The following AGAP1 variants were observed in gnomAD, a reference collection of about 807,000 sequenced individuals.
The protein encoded by AGAP1 is ArfGAP with GTPase domain, ankyrin repeat and PH domain 1, also known as arf-GAP with GTPase, ANK repeat and PH domain-containing protein 1.
Under a neutral mutation model 105.3 loss-of-function variants are expected in AGAP1, and 29 were observed. That is an observed-to-expected ratio of 0.28 (90% CI 0.21 to 0.38). The LOEUF is 0.38. Ranked by LOEUF, AGAP1 falls within the 10% of genes least tolerant of loss-of-function variation. AGAP1 has a pLI of 1.00. For missense variants in AGAP1, 998 were observed against 1,165.1 expected, an observed-to-expected ratio of 0.86 and a Z score of 2.09; for synonymous variants, 509 against 485.9, an observed-to-expected ratio of 1.05 and a Z score of -0.63.
rs778081960 is a variant in AGAP1 at position 235,709,256 on chromosome 2, C to T, written c.222+19C>T. 2 of 1,613,220 alleles carry T rather than the reference C, an allele frequency of 1.2e-6. No individual in the cohort carries two copies. The highest frequency in any genetic ancestry group is 1.7e-6 in the Non-Finnish European group (2 of 1,179,294). On this transcript the variant is annotated intron_variant, in intron 2 of 17. Transcript: ENST00000304032. ...CAAAGTGGTGAGTGGTTCCCTCTGG[C>T]CCTGGCACCTGTGGGAAGGGAGGGG...
chr2:235,495,999 C>T (rs549588073), intron 1 of AGAP1, among the ~76,000 whole-genome samples: 1 of 152,336 alleles, frequency 6.6e-6, no homozygotes, highest in African/African-American at 2.4e-5. Flanking sequence ...CGTTGCCCAG[C>T]CTCCTCCCTC....
chr2:236,045,874 G>T lies in AGAP1; in HGVS notation c.1892-3185G>T. ...CAGCCCCAGCCTTACCTGTCTCTAAGCAGAGGGTGGTGAGCATGGGGCCCT... is the reference window on the plus strand; with the variant it reads ...CAGCCCCAGCCTTACCTGTCTCTAATCAGAGGGTGGTGAGCATGGGGCCCT... On this transcript the variant is annotated intron_variant, in intron 15 of 17. Coordinates refer to ENST00000304032, the MANE Select transcript of AGAP1 (RefSeq NM_001037131.3). This position sits in a 1 kb window ranked among gnomAD's most constrained non-coding sequence, Gnocchi z 6.9. 1 of 455,356 alleles carries T rather than the reference G, an allele frequency of 2.2e-6. No individual in the cohort carries two copies. Among genetic ancestry groups the T allele is most frequent in the Non-Finnish European group, 4.6e-6 (1 of 215,590 alleles). 28.2% of individuals were successfully genotyped at this position (455,356 alleles called of 1,614,324 possible).
Position 235,987,355 on chromosome 2 carries a change from A to G in AGAP1, c.1645+18732A>G, listed in dbSNP as rs568290416. 2.0e-5 allele frequency among the ~76,000 whole-genome samples: 3 copies of G among 151,724 alleles called. No homozygotes were observed. In the South Asian group the frequency reaches 6.2e-4, roughly 32 times the overall value. On this transcript the variant is annotated intron_variant, in intron 13 of 17. Coordinates refer to ENST00000304032, the MANE Select transcript of AGAP1 (RefSeq NM_001037131.3). ...TGGGGTCAGTGGTGATATCCCTTTT[A>G]TCATTTTTTATTATGTCTGTTTGAT...
rs2054468609 is a variant in AGAP1 at position 235,967,745 on chromosome 2, C to G, written c.1484-717C>G. The stretch of plus-strand genomic sequence containing the variant: ...ATATGCGCGTTCTGGTCATGTAGTA[C>G]CGCTTTGGCCTTCTCTTTGATAAAG... On this transcript the variant is annotated intron_variant, in intron 12 of 17. Coordinates refer to ENST00000304032, the MANE Select transcript of AGAP1 (RefSeq NM_001037131.3). This position sits in a 1 kb window ranked among gnomAD's most constrained non-coding sequence, Gnocchi z 4.7. Among the ~76,000 whole-genome samples, 1 of 152,156 alleles carries G rather than the reference C, an allele frequency of 6.6e-6. No homozygotes were observed. The highest frequency in any genetic ancestry group is 1.5e-5 in the Non-Finnish European group (1 of 68,036).
At position 235,882,441 on chromosome 2, in the gene AGAP1, A is replaced by G; in HGVS notation, c.1051-904A>G. ...CTTCTCCTGCGTCTCCGTTTTCTTCAGCTTGGCCCTATTGAAGCTGGCGAT... is the reference window on the plus strand; with the variant it reads ...CTTCTCCTGCGTCTCCGTTTTCTTCGGCTTGGCCCTATTGAAGCTGGCGAT... On this transcript the variant is annotated intron_variant, in intron 9 of 17. Coordinates refer to ENST00000304032, the MANE Select transcript of AGAP1 (RefSeq NM_001037131.3). The surrounding 1 kb of genome is among the most constrained non-coding windows in gnomAD (Gnocchi z 4.6). 1 of 1,587,108 alleles carries G rather than the reference A, an allele frequency of 6.3e-7. No individual in the cohort carries two copies. The highest frequency in any genetic ancestry group is 2.3e-5 in the East Asian group (1 of 44,364).
Position 236,109,426 on chromosome 2 carries a change from T to C in AGAP1, c.2115-10766T>C, listed in dbSNP as rs2059587434. On this transcript the variant is annotated intron_variant, in intron 16 of 17. Coordinates refer to ENST00000304032, the MANE Select transcript of AGAP1 (RefSeq NM_001037131.3). This position sits in a 1 kb window ranked among gnomAD's most constrained non-coding sequence, Gnocchi z 5.4. ...TTCATCTTTGTAATTATTATAAATA[T>C]TTATAATAATAAATTATAGATAGTT... Among the ~76,000 whole-genome samples the C allele has an allele frequency of 6.6e-6, 1 of 151,996 alleles. No individual in the cohort carries two copies. The highest frequency in any genetic ancestry group is 2.4e-5 in the African/African-American group (1 of 41,390).
At position 235,600,931 on chromosome 2, in the gene AGAP1, C is replaced by A. The variant is rs982289688; in HGVS notation, c.163+106082C>A. On this transcript the variant is annotated intron_variant, in intron 1 of 17. Coordinates refer to ENST00000304032, the MANE Select transcript of AGAP1 (RefSeq NM_001037131.3). The surrounding 1 kb of genome is among the most constrained non-coding windows in gnomAD (Gnocchi z 4.8). ...CCATTGTTTCACCTGCAGCCTCCCC[C>A]ATCTCAGCTGGTGCTCACTTTATTT... 6.6e-6 allele frequency among the ~76,000 whole-genome samples: 1 copy of A among 152,208 alleles called. No individual in the cohort carries two copies. Among genetic ancestry groups the A allele is most frequent in the Non-Finnish European group, 1.5e-5 (1 of 68,042 alleles).
chr2:235,589,205 T>TG (rs1559270876), intron 1 of AGAP1, among the ~76,000 whole-genome samples: 7 of 107,330 alleles, frequency 6.5e-5, no homozygotes, highest in African/African-American at 3.5e-4. Context: ...TTTTTTTTTT[T>TG]TTTTTTTTTT....
In AGAP1 at chr2:235,720,617, A is replaced by T; in HGVS notation, c.310+2973A>T. ...ATCAACTGGGCAGCTACTTTGAATG[A>T]AAGGCATTTTGCTGTGTATCTGCCT... On this transcript the variant is annotated intron_variant, in intron 3 of 17. Coordinates refer to ENST00000304032, the MANE Select transcript of AGAP1 (RefSeq NM_001037131.3). The surrounding 1 kb of genome is among the most constrained non-coding windows in gnomAD (Gnocchi z 5.0). 3 of 974,666 alleles carry T rather than the reference A, an allele frequency of 3.1e-6. No homozygotes were observed. The highest frequency in any genetic ancestry group is 3.7e-6 in the Non-Finnish European group (3 of 820,194). The allele number at this position is 974,666 out of a possible 1,614,324, so 60.4% of individuals were successfully genotyped here.
rs146030566 is a variant in AGAP1 at position 235,728,895 on chromosome 2, G to A, written c.310+11251G>A. 1.5e-3 allele frequency among the ~76,000 whole-genome samples: 227 copies of A among 152,252 alleles called. 2 individuals are homozygous for A. Among genetic ancestry groups the A allele is most frequent in the African/African-American group, 4.8e-3 (198 of 41,558 alleles). On this transcript the variant is annotated intron_variant, in intron 3 of 17. Coordinates refer to ENST00000304032, the MANE Select transcript of AGAP1 (RefSeq NM_001037131.3). This position sits in a 1 kb window ranked among gnomAD's most constrained non-coding sequence, Gnocchi z 4.3. Reference sequence around the variant, plus strand: ...AAGAAGGGAGGTTTGGAGCCTGGACGAGAGCAGGGGTTGTGGAGGAATGGT... The same window carrying A: ...AAGAAGGGAGGTTTGGAGCCTGGACAAGAGCAGGGGTTGTGGAGGAATGGT...
Position 235,970,662 on chromosome 2 carries a change from G to A in AGAP1, c.1645+2039G>A, listed in dbSNP as rs139550360. 3.9e-5 allele frequency among the ~76,000 whole-genome samples: 6 copies of A among 152,300 alleles called. No individual in the cohort carries two copies. The highest frequency in any genetic ancestry group is 7.3e-5 in the Non-Finnish European group (5 of 68,030). On this transcript the variant is annotated intron_variant, in intron 13 of 17. Coordinates refer to ENST00000304032, the MANE Select transcript of AGAP1 (RefSeq NM_001037131.3). This position sits in a 1 kb window ranked among gnomAD's most constrained non-coding sequence, Gnocchi z 5.4. ...ACTGACCGTTGCCACTTAGATACAC[G>A]TTCATTATCCCACCCACGTGTTGAC...
intron 10 of AGAP1, among the ~76,000 whole-genome samples, chr2:235,898,316 C>A (rs2050904443): frequency 6.6e-6 from 1 of 151,660 alleles, no homozygotes; most frequent in South Asian, 2.1e-4. Flanking sequence ...TTTCCCCTTG[C>A]ATTTTAGCAA....
chr2:235,598,149 A>T (rs937528665), intron 1 of AGAP1, among the ~76,000 whole-genome samples: 4 of 151,962 alleles, frequency 2.6e-5, no homozygotes, highest in Non-Finnish European at 4.4e-5. Flanking sequence ...GTTTCCGTCG[A>T]CGTCCCAAAG....
chr2:236,022,325 A>G (rs941214719), intron 13 of AGAP1, among the ~76,000 whole-genome samples: 1 of 152,216 alleles, frequency 6.6e-6, no homozygotes, highest in African/African-American at 2.4e-5. Flanking sequence ...CCACAGGACA[A>G]CACCTCTGTT....
chr2:236,019,113 A>T (rs2056804938), intron 13 of AGAP1, among the ~76,000 whole-genome samples: 1 of 152,192 alleles, frequency 6.6e-6, no homozygotes, highest in Admixed American at 6.5e-5. Context: ...CACAGTTCTG[A>T]GACTTCCAAC....
chr2:236,037,186 A>T (rs546907910), intron 14 of AGAP1: 1 of 157,886 alleles, frequency 6.3e-6, no homozygotes, highest in African/African-American at 2.4e-5. Context: ...GGAGTTTGGG[A>T]AGATAAAGTT....
In AGAP1 at chr2:235,965,708, A is replaced by T. The variant is rs570372297; in HGVS notation, c.1484-2754A>T. Among the ~76,000 whole-genome samples the T allele has an allele frequency of 7.2e-5, 11 of 152,302 alleles. No homozygotes were observed. Among genetic ancestry groups the T allele is most frequent in the African/African-American group, 2.4e-4 (10 of 41,570 alleles). On this transcript the variant is annotated intron_variant, in intron 12 of 17. Coordinates refer to ENST00000304032, the MANE Select transcript of AGAP1 (RefSeq NM_001037131.3). The surrounding 1 kb of genome is among the most constrained non-coding windows in gnomAD (Gnocchi z 5.8). ...GAGCCTGGAATAGCCCCTGTTGGGTAGTAACTTTGGATGAGTGTTTGCTGT... is the reference window on the plus strand; with the variant it reads ...GAGCCTGGAATAGCCCCTGTTGGGTTGTAACTTTGGATGAGTGTTTGCTGT...
At chr2:235,773,776 G>T (rs1459279563) in intron 6 of AGAP1, 1 of 369,784 alleles carries the variant, frequency 2.7e-6, no homozygotes, top group Non-Finnish European at 5.4e-6. Context: ...TTTCTTCGGA[G>T]AATCACAGTT....
At position 235,700,980 on chromosome 2, in the gene AGAP1, T is replaced by C. The variant is rs529242051; in HGVS notation, c.164-8199T>C. Among the ~76,000 whole-genome samples the C allele has an allele frequency of 1.1e-4, 10 of 87,162 alleles. No individual in the cohort carries two copies. The highest frequency in any genetic ancestry group is 1.3e-4 in the Non-Finnish European group (5 of 37,312). 57.2% of individuals were successfully genotyped at this position (87,162 alleles called of 152,430 possible). On this transcript the variant is annotated intron_variant, in intron 1 of 17. Coordinates refer to ENST00000304032, the MANE Select transcript of AGAP1 (RefSeq NM_001037131.3). This position sits in a 1 kb window ranked among gnomAD's most constrained non-coding sequence, Gnocchi z 6.1. Reference sequence around the variant, plus strand: ...TTATGTATTATGTATATATTATATATGTATATATTATATATGCTATAATAT... The same window carrying C: ...TTATGTATTATGTATATATTATATACGTATATATTATATATGCTATAATAT...
Sources: gnomAD v4.1 joint callset for allele counts (sites outside exome capture counted in the v4.1 genomes callset) on GRCh38, gnomAD v4.1.1 for gene constraint, Gnocchi (gnomAD v3.1) non-coding constraint, MANE v1.5 for transcripts, NCBI Gene and HGNC (gene_info 2026-07-23, HGNC 2026-07-21) for gene names.